The following ASPSCR1 variants were observed in gnomAD, a reference collection of about 807,000 sequenced individuals.
ASPSCR1 encodes the protein ASPSCR1 tether for SLC2A4, UBX domain containing.
In ASPSCR1, 55 loss-of-function variants were observed where a neutral mutation model predicts 68.9. The ratio of observed to expected loss-of-function variants is 0.80; its 90% CI spans 0.64 to 1.00. The LOEUF is 1.00. ASPSCR1 is among the 50% of genes least tolerant of loss of function. The pLI is 0.00. For missense variants in ASPSCR1, 765 were observed against 762.2 expected, an observed-to-expected ratio of 1.00 and a Z score of -0.04; for synonymous variants, 352 against 332.6, an observed-to-expected ratio of 1.06 and a Z score of -0.63.
At chr17:82,016,424 AG>A (rs889489339) in intron 12 of ASPSCR1, 51 bp from the exon 13 acceptor site, 169 of 1,498,854 alleles carry the variant, frequency 1.1e-4, no homozygotes, top group Non-Finnish European at 1.4e-4. Flanking sequence ...CCTTCACAGC[AG>A]GGGGGTGCTC....
rs1041194258 is a variant in ASPSCR1, at chr17:81,983,704, G to T, written c.273+36G>T. The T allele has an allele frequency of 2.6e-6, 4 of 1,539,330 alleles. No homozygotes were observed. The highest frequency in any genetic ancestry group is 3.6e-6 in the Non-Finnish European group (4 of 1,123,960). On this transcript the variant is annotated intron_variant, in intron 3 of 15. Transcript: ENST00000306739. The surrounding 1 kb of genome is among the most constrained non-coding windows in gnomAD (Gnocchi z 4.4). ...CTCTGGGGGAGGCTGACTGTGTGGGGCACAGGATCGTTCAGCTGGCCAGGG... is the reference window on the plus strand; with the variant it reads ...CTCTGGGGGAGGCTGACTGTGTGGGTCACAGGATCGTTCAGCTGGCCAGGG...
At chr17:81,993,716 C>G (rs763469489) in intron 4 of ASPSCR1, among the ~76,000 whole-genome samples, 2 of 152,260 alleles carry the variant, frequency 1.3e-5, no homozygotes, top group African/African-American at 2.4e-5. Flanking sequence ...CCTCCCAGTA[C>G]CCCCCATCCC....
In ASPSCR1 at chr17:81,987,046, G is replaced by A. The variant is rs1157747640; in HGVS notation, c.374+1439G>A. ...AGAGCAAAGCCAAAGCCACGGGCAG[G>A]GGTGAGCGGGACCCGAGGCAGGAGA... On this transcript the variant is annotated intron_variant, in intron 4 of 15. Transcript: ENST00000306739. This position sits in a 1 kb window ranked among gnomAD's most constrained non-coding sequence, Gnocchi z 5.6. Among the ~76,000 whole-genome samples, 2 of 152,140 alleles carry A rather than the reference G, an allele frequency of 1.3e-5. No individual in the cohort carries two copies. Among genetic ancestry groups the A allele is most frequent in the Non-Finnish European group, 2.9e-5 (2 of 68,034 alleles).
rs758827084 is a variant in ASPSCR1 at position 81,983,545 on chromosome 17, G to A, written c.159-9G>A. The A allele has an allele frequency of 1.2e-6, 2 of 1,603,860 alleles. No individual in the cohort carries two copies. Among genetic ancestry groups the A allele is most frequent in the South Asian group, 2.2e-5 (2 of 89,882 alleles). On this transcript the variant is annotated splice_polypyrimidine_tract_variant and intron_variant, in intron 2 of 15. Transcript: ENST00000306739. This position sits in a 1 kb window ranked among gnomAD's most constrained non-coding sequence, Gnocchi z 4.4. ...CAGGGCAGCAAGTGTGCTCTGGTCT[G>A]TCTTGCAGGTTTCAGAGGAGCGTGC...
At chr17:81,978,602 G>C (rs563085184) in intron 1 of ASPSCR1, 1 of 153,238 alleles carries the variant, frequency 6.5e-6, no homozygotes, top group Non-Finnish European at 1.5e-5. Flanking sequence ...CACACGACTC[G>C]GAGTTTGCGG....
rs117874412 is a variant in ASPSCR1, at chr17:81,986,166, A to C, written c.374+559A>C. On this transcript the variant is annotated intron_variant, in intron 4 of 15. Coordinates refer to ENST00000306739, the MANE Select transcript of ASPSCR1 (RefSeq NM_024083.4). The surrounding 1 kb of genome is among the most constrained non-coding windows in gnomAD (Gnocchi z 5.2). ...AGTGGCTGGGCACAGTGGCTGGGCA[A>C]AGTGGCTTGCACTTTGGAAGGCCGA... Among the ~76,000 whole-genome samples the C allele has an allele frequency of 4.9e-3, 747 of 152,196 alleles. 5 individuals are homozygous for C. Among genetic ancestry groups the C allele is most frequent in the Admixed American group, 9.4e-3 (143 of 15,286 alleles).
intron 11 of ASPSCR1, 36 bp from the exon 12 acceptor site, chr17:82,012,195 G>C: frequency 1.9e-6 from 3 of 1,604,836 alleles, no homozygotes; most frequent in Non-Finnish European, 2.6e-6. Flanking sequence ...CGAGGTCCAC[G>C]GTGCTTCCTA....
rs2042140486 is a variant in ASPSCR1 at position 81,990,906 on chromosome 17, A to C, written c.375-3915A>C. Reference sequence around the variant, plus strand: ...GGGGGATACTGTAGCACGTCTGGGCAGTCCACGAGGGCAGGCGGGCGAGTC... The same window carrying C: ...GGGGGATACTGTAGCACGTCTGGGCCGTCCACGAGGGCAGGCGGGCGAGTC... On this transcript the variant is annotated intron_variant, in intron 4 of 15. Transcript: ENST00000306739. The surrounding 1 kb of genome is among the most constrained non-coding windows in gnomAD (Gnocchi z 4.1). Among the ~76,000 whole-genome samples, 1 of 152,172 alleles carries C rather than the reference A, an allele frequency of 6.6e-6. No individual in the cohort carries two copies.
intron 4 of ASPSCR1, among the ~76,000 whole-genome samples, chr17:81,992,079 C>T (rs2144030849): frequency 6.6e-6 from 1 of 152,354 alleles, no homozygotes; most frequent in East Asian, 1.9e-4. Context: ...TGAGAGTGTG[C>T]CAGTACCCTG....
At chr17:81,979,040 T>A (rs2041710119) in intron 1 of ASPSCR1, 144 bp from the exon 2 acceptor site, 1 of 774,886 alleles carries the variant, frequency 1.3e-6, no homozygotes, top group South Asian at 1.5e-5. Context: ...GCGGGGACCG[T>A]CCATAGTGTG....
intron 12 of ASPSCR1, chr17:82,014,838 GC>G: frequency 1.7e-6 from 1 of 585,680 alleles, no homozygotes; most frequent in Non-Finnish European, 3.0e-6. Flanking sequence ...TGGATTTGGG[GC>G]CCCAGTGTCC....
chr17:81,983,980 G>A lies in ASPSCR1; in HGVS notation c.273+312G>A, dbSNP rs932837731. Among the ~76,000 whole-genome samples the A allele has an allele frequency of 3.3e-5, 5 of 151,142 alleles. No homozygotes were observed. Among genetic ancestry groups the A allele is most frequent in the African/African-American group, 1.2e-4 (5 of 41,092 alleles). The stretch of plus-strand genomic sequence containing the variant: ...TCACACCATTCTGCCTCAGCCTCCC[G>A]AGTAGCTAGGACTACAGGTGCCCGC... On this transcript the variant is annotated intron_variant, in intron 3 of 15. Coordinates refer to ENST00000306739, the MANE Select transcript of ASPSCR1 (RefSeq NM_024083.4). The surrounding 1 kb of genome is among the most constrained non-coding windows in gnomAD (Gnocchi z 4.4).
At chr17:81,991,599 C>CTGTCCATCCCTGTCCATCCT (rs1386769514) in intron 4 of ASPSCR1, among the ~76,000 whole-genome samples, 3 of 152,224 alleles carry the variant, frequency 2.0e-5, no homozygotes, top group Non-Finnish European at 2.9e-5. Context: ...TTGTCCATTC[C>CTGTCCATCCCTGTCCATCCT]TGTCCATCCC....
In ASPSCR1 at chr17:81,979,041, C is replaced by T. The variant is rs570551240; in HGVS notation, c.103-143C>T. The T allele has an allele frequency of 3.2e-5, 25 of 778,306 alleles. No homozygotes were observed. In the African/African-American group the frequency reaches 3.7e-4, roughly 12 times the overall value. The allele number at this position is 778,306 out of a possible 1,614,324, so 48.2% of individuals were successfully genotyped here. The stretch of plus-strand genomic sequence containing the variant: ...AGCCTGCATTTGTTGCGGGGACCGT[C>T]CATAGTGTGGTCTTGTGCTTGGCTT... On this transcript the variant is annotated intron_variant, in intron 1 of 15. Transcript: ENST00000306739.
At chr17:81,996,189 G>T in intron 6 of ASPSCR1, 124 bp downstream of exon 6, 1 of 1,333,598 alleles carries the variant, frequency 7.5e-7, no homozygotes, top group South Asian at 1.5e-5. Flanking sequence ...ATCATGGAGA[G>T]CGCCTGGTGG....
At chr17:81,991,813 G>C (rs377336758) in intron 4 of ASPSCR1, among the ~76,000 whole-genome samples, 183 of 152,376 alleles carry the variant, frequency 1.2e-3, no homozygotes, top group African/African-American at 4.3e-3. Flanking sequence ...CTGCTGCCTG[G>C]GCTCTCGTCA....
intron 15 of ASPSCR1, 82 bp downstream of exon 15, chr17:82,017,195 G>A (rs1270811299): frequency 3.2e-6 from 5 of 1,579,744 alleles, no homozygotes; most frequent in African/African-American, 1.3e-5. Context: ...TCAGTGGGCT[G>A]GGGGGCTAGG....
At chr17:82,006,741 T>A (rs2042734309) in intron 7 of ASPSCR1, 1 of 152,152 alleles carries the variant, frequency 6.6e-6, no homozygotes, top group African/African-American at 2.4e-5. Flanking sequence ...CTTTTTTCCC[T>A]CACAGTGTCT....
intron 4 of ASPSCR1, among the ~76,000 whole-genome samples, chr17:81,991,459 G>A (rs2042160174): frequency 6.6e-6 from 1 of 152,198 alleles, no homozygotes. Flanking sequence ...GTGAGGACAG[G>A]GCTCTGCCAG....
Sources: gnomAD v4.1 joint callset for allele counts (sites outside exome capture counted in the v4.1 genomes callset) on GRCh38, gnomAD v4.1.1 for gene constraint, Gnocchi (gnomAD v3.1) non-coding constraint, MANE v1.5 for transcripts, NCBI Gene and HGNC (gene_info 2026-07-23, HGNC 2026-07-21) for gene names.